MAPKAP1: variants seen among roughly 807,000 people sequenced by gnomAD.
The protein encoded by MAPKAP1 is target of rapamycin complex 2 subunit MAPKAP1.
A neutral mutation model predicts 65.7 loss-of-function variants in MAPKAP1; 20 were observed. The ratio of observed to expected loss-of-function variants is 0.30; its 90% CI spans 0.21 to 0.44. The LOEUF (loss-of-function observed/expected upper bound fraction) is 0.44. Ranked by LOEUF, MAPKAP1 falls within the 20% of genes least tolerant of loss-of-function variation. The pLI is 1.00. For missense variants in MAPKAP1, 423 were observed against 648.0 expected, an observed-to-expected ratio of 0.65 and a Z score of 3.77; for synonymous variants, 222 against 244.3, an observed-to-expected ratio of 0.91 and a Z score of 0.85.
intron 3 of MAPKAP1, among the ~76,000 whole-genome samples, chr9:125,661,649 C>T (rs1834189486): frequency 6.6e-6 from 1 of 151,974 alleles, no homozygotes; most frequent in Admixed American, 6.6e-5. Context: ...GGACAAAAAA[C>T]CTTTTTAAAA....
In MAPKAP1 at chr9:125,438,819, A is replaced by G. The variant is rs7864593; in HGVS notation, c.*68T>C. ...CCGAGGACTTCAGGACACCGGGTGG[A>G]CTCTAGGGCACTTGGCCCTGGCAGG... On this transcript the variant is annotated 3_prime_UTR_variant, in exon 12 of 12. Coordinates refer to ENST00000265960, the MANE Select transcript of MAPKAP1 (RefSeq NM_001006617.3). 1,603,350 of 1,604,644 alleles carry G rather than the reference A, an allele frequency of 1. 801,029 individuals carry two copies. The highest frequency in any genetic ancestry group is 1 in the Middle Eastern group (5,722 of 5,722).
intron 7 of MAPKAP1, among the ~76,000 whole-genome samples, chr9:125,541,159 A>G (rs1589270836): frequency 6.6e-6 from 1 of 152,368 alleles, no homozygotes; most frequent in East Asian, 1.9e-4. Flanking sequence ...CTCTTTGCCA[A>G]GGATATGGCA....
At chr9:125,471,681 C>G (rs1307552017) in intron 9 of MAPKAP1, 1 of 152,302 alleles carries the variant, frequency 6.6e-6, no homozygotes, top group African/African-American at 2.4e-5. Context: ...TCCCTGTGAG[C>G]AGAGCACCAG....
rs533772970 is a variant in MAPKAP1, at chr9:125,447,273, C to G, written c.1346-2675G>C. 4 of 394,158 alleles carry G rather than the reference C, an allele frequency of 1.0e-5. No individual in the cohort carries two copies. The highest frequency in any genetic ancestry group is 8.2e-5 in the African/African-American group (4 of 48,912). The allele number at this position is 394,158 out of a possible 1,614,324, so 24.4% of individuals were successfully genotyped here. Reference sequence around the variant, plus strand: ...AGGAGGAAGAGTCCCAACATTCCCCCACTCTCCCTCAAGCCTCCGGTCTGT... The same window carrying G: ...AGGAGGAAGAGTCCCAACATTCCCCGACTCTCCCTCAAGCCTCCGGTCTGT... On this transcript the variant is annotated intron_variant, in intron 10 of 11. Coordinates refer to ENST00000265960, the MANE Select transcript of MAPKAP1 (RefSeq NM_001006617.3). This position sits in a 1 kb window ranked among gnomAD's most constrained non-coding sequence, Gnocchi z 4.5.
chr9:125,588,914 T>G (rs1313080956), intron 4 of MAPKAP1, among the ~76,000 whole-genome samples: 1 of 152,198 alleles, frequency 6.6e-6, no homozygotes, highest in Non-Finnish European at 1.5e-5. Flanking sequence ...ATACCGGCCT[T>G]CTGGAAGTAC....
At chr9:125,569,369 T>C (rs897699685) in intron 5 of MAPKAP1, among the ~76,000 whole-genome samples, 7 of 152,108 alleles carry the variant, frequency 4.6e-5, no homozygotes, top group African/African-American at 1.2e-4. Context: ...GTAGCTAAGG[T>C]TTTTGCACTT....
At chr9:125,613,658 T>A (rs1279415011) in intron 4 of MAPKAP1, among the ~76,000 whole-genome samples, 1 of 152,114 alleles carries the variant, frequency 6.6e-6, no homozygotes. Flanking sequence ...CATGTTAATC[T>A]CCATTTCAGA....
intron 6 of MAPKAP1, among the ~76,000 whole-genome samples, chr9:125,547,967 T>C (rs1400718410): frequency 2.6e-5 from 4 of 152,256 alleles, no homozygotes; most frequent in African/African-American, 9.6e-5. Context: ...TAAGAACTTT[T>C]TGATTTGCAC....
At chr9:125,572,545 CATT>C (rs1831267025) in intron 5 of MAPKAP1, among the ~76,000 whole-genome samples, 1 of 152,188 alleles carries the variant, frequency 6.6e-6, no homozygotes. Flanking sequence ...ATTCTAGCCT[CATT>C]AGTTGTTTTT....
chr9:125,600,351 A>T (rs1001012062), intron 4 of MAPKAP1, among the ~76,000 whole-genome samples: 1 of 152,178 alleles, frequency 6.6e-6, no homozygotes, highest in Non-Finnish European at 1.5e-5. Flanking sequence ...CTGTTTGCTG[A>T]GTCAACTGAA....
chr9:125,572,825 C>T (rs1480580625), intron 5 of MAPKAP1: 1 of 152,146 alleles, frequency 6.6e-6, no homozygotes, highest in African/African-American at 2.4e-5. Flanking sequence ...TGCTGTTATA[C>T]TCTTTGTGTA....
chr9:125,619,120 A>C (rs1564585575), intron 4 of MAPKAP1, among the ~76,000 whole-genome samples: 1 of 152,174 alleles, frequency 6.6e-6, no homozygotes, highest in African/African-American at 2.4e-5. Flanking sequence ...GCAACAGAGT[A>C]AGACCCTATC....
chr9:125,683,058 C>T (rs1437998932), intron 1 of MAPKAP1, among the ~76,000 whole-genome samples: 4 of 151,526 alleles, frequency 2.6e-5, no homozygotes, highest in Non-Finnish European at 4.4e-5. Flanking sequence ...CAGGTTCAAG[C>T]GATTCTCCTG....
At position 125,595,075 on chromosome 9, in the gene MAPKAP1, T is replaced by G. The variant is rs1832086470; in HGVS notation, c.499-9348A>C. 6.6e-6 allele frequency among the ~76,000 whole-genome samples: 1 copy of G among 152,260 alleles called. No individual in the cohort carries two copies. The highest frequency in any genetic ancestry group is 1.5e-5 in the Non-Finnish European group (1 of 68,042). ...TTATAGCATATGGTGGTACCACCTATTCTCCCATTTTTAGAAATGGAAGCT... is the reference window on the plus strand; with the variant it reads ...TTATAGCATATGGTGGTACCACCTAGTCTCCCATTTTTAGAAATGGAAGCT... On this transcript the variant is annotated intron_variant, in intron 4 of 11. Coordinates refer to ENST00000265960, the MANE Select transcript of MAPKAP1 (RefSeq NM_001006617.3). This position sits in a 1 kb window ranked among gnomAD's most constrained non-coding sequence, Gnocchi z 4.0.
rs564465752 is a variant in MAPKAP1, at chr9:125,704,235, C to T, written c.-70+2736G>A. On this transcript the variant is annotated intron_variant, in intron 1 of 11. Coordinates refer to ENST00000265960, the MANE Select transcript of MAPKAP1 (RefSeq NM_001006617.3). ...CCCCTCTATCTTACAGCTCTACCAG[C>T]AGCATAAACTCAAGGAAGTTATTCA... 2.1e-4 allele frequency among the ~76,000 whole-genome samples: 32 copies of T among 152,318 alleles called. No individual in the cohort carries two copies. In the East Asian group the frequency reaches 4.4e-3, roughly 21 times the overall value.
chr9:125,664,979 T>G (rs1337406422), intron 3 of MAPKAP1, among the ~76,000 whole-genome samples: 1 of 151,960 alleles, frequency 6.6e-6, no homozygotes, highest in Non-Finnish European at 1.5e-5. Flanking sequence ...AAAAGAGACA[T>G]ACTAACAGCT....
chr9:125,441,924 T>C (rs889040857), intron 11 of MAPKAP1, among the ~76,000 whole-genome samples: 1 of 151,960 alleles, frequency 6.6e-6, no homozygotes, highest in Non-Finnish European at 1.5e-5. Context: ...GGCCAGGAGT[T>C]CGAGACCAGC....
At chr9:125,673,337 C>T (rs1420605232) in intron 1 of MAPKAP1, among the ~76,000 whole-genome samples, 1 of 152,158 alleles carries the variant, frequency 6.6e-6, no homozygotes, top group African/African-American at 2.4e-5. Context: ...CAAGATTCTC[C>T]GGCCTCAGCC....
chr9:125,503,712 T>TTTTC (rs1275859058), intron 8 of MAPKAP1, among the ~76,000 whole-genome samples: 1 of 151,784 alleles, frequency 6.6e-6, no homozygotes, highest in African/African-American at 2.4e-5. Context: ...ATAATTTCTT[T>TTTTC]TTTCTTTCTT....
Sources: gnomAD v4.1 joint callset for allele counts (sites outside exome capture counted in the v4.1 genomes callset) on GRCh38, gnomAD v4.1.1 for gene constraint, Gnocchi (gnomAD v3.1) non-coding constraint, MANE v1.5 for transcripts, NCBI Gene and HGNC (gene_info 2026-07-23, HGNC 2026-07-21) for gene names.